The following TECTB variants were observed in gnomAD, a reference collection of about 807,000 sequenced individuals.
The protein encoded by TECTB is tectorin beta.
A neutral mutation model predicts 43.3 loss-of-function variants in TECTB; 45 were observed. The observed-to-expected ratio is 1.04, with a 90% CI of 0.82 to 1.33. The LOEUF is 1.33. TECTB is among the 40% of genes most tolerant of loss of function. TECTB has a pLI of 0.00. For missense variants in TECTB, 399 were observed against 404.7 expected, an observed-to-expected ratio of 0.99 and a Z score of 0.12; for synonymous variants, 169 against 156.7, an observed-to-expected ratio of 1.08 and a Z score of -0.59.
intron 5 of TECTB, 105 bp downstream of exon 5, chr10:112,286,496 C>T (rs1848455913): frequency 8.3e-7 from 1 of 1,209,950 alleles, no homozygotes; most frequent in South Asian, 1.6e-5. Flanking sequence ...TGTGCAGAGC[C>T]CCATTCTTAA....
rs1394533111 is a variant in TECTB, at chr10:112,303,855, C to G, written c.*543C>G. 1 of 155,306 alleles carries G rather than the reference C, an allele frequency of 6.4e-6. No individual in the cohort carries two copies. Among genetic ancestry groups the G allele is most frequent in the Non-Finnish European group, 1.4e-5 (1 of 69,770 alleles). The allele number at this position is 155,306 out of a possible 1,614,324, so 9.6% of individuals were successfully genotyped here. A position where few individuals can be genotyped will look rare whatever the true frequency, so the allele number is the denominator to read the frequency against. On this transcript the variant is annotated 3_prime_UTR_variant, in exon 11 of 11. Transcript: ENST00000646139. ...ATGATGTGGGATTCAGAGTGGAATACAATAGTTTTGCTCAAACCTAATGAT... is the reference window on the plus strand; with the variant it reads ...ATGATGTGGGATTCAGAGTGGAATAGAATAGTTTTGCTCAAACCTAATGAT...
At chr10:112,285,482 C>T (rs1848446241) in intron 3 of TECTB, among the ~76,000 whole-genome samples, 1 of 152,182 alleles carries the variant, frequency 6.6e-6, no homozygotes, top group Non-Finnish European at 1.5e-5. Context: ...GAGTCATGAG[C>T]ATGATTAACA....
chr10:112,295,277 T>C (rs183043455), intron 7 of TECTB, among the ~76,000 whole-genome samples: 364 of 152,384 alleles, frequency 2.4e-3, no homozygotes, highest in Middle Eastern at 0.01. Flanking sequence ...TGGACCTCTA[T>C]TTTTATTTAG....
rs776953089 is a variant in TECTB at position 112,299,563 on chromosome 10, G to C, written c.906G>C (p.Arg302=). Residue 302 remains arginine, a splice_region_variant and synonymous_variant, in exon 9 of 11, where the codon CGG becomes CGC. Transcript: ENST00000646139. ...TCCTGGTCGTGGAGCTCTCCCTGCG[G>C]AGTAAGCGTCTCTGTTTTCCTCTGT... The part of the protein sequence containing the change: ...GGVLVVELSL[R]SRGFSSLYSF... 14 of 1,578,616 alleles carry C rather than the reference G, an allele frequency of 8.9e-6. No individual in the cohort carries two copies. Among genetic ancestry groups the C allele is most frequent in the Non-Finnish European group, 1.2e-5 (14 of 1,167,422 alleles).
At chr10:112,288,367 TC>T (rs1264895147) in intron 5 of TECTB, among the ~76,000 whole-genome samples, 1 of 151,986 alleles carries the variant, frequency 6.6e-6, no homozygotes, top group East Asian at 1.9e-4. Flanking sequence ...AAGAGACATG[TC>T]CTCAGCATCC....
At chr10:112,295,298 T>C (rs12414050) in intron 7 of TECTB, among the ~76,000 whole-genome samples, 17,431 of 152,288 alleles carry the variant, frequency 0.11, 1,166 homozygotes, top group East Asian at 0.22. Flanking sequence ...CAAACACTTA[T>C]ACAGCTCTTA....
chr10:112,283,951 A>G lies in TECTB; in HGVS notation c.76+141A>G, dbSNP rs968908714. 3.6e-5 allele frequency: 31 copies of G among 850,208 alleles called. No individual in the cohort carries two copies. The East Asian group carries it at 8.2e-4, about 23-fold the overall frequency. The allele number at this position is 850,208 out of a possible 1,614,324, so 52.7% of individuals were successfully genotyped here. On this transcript the variant is annotated intron_variant, in intron 2 of 10. Transcript: ENST00000646139. Reference sequence around the variant, plus strand: ...AGGAAAGTACTTAAGCACCCCCTCCAATACCAATCAGACTTTTCCCAAATG... The same window carrying G: ...AGGAAAGTACTTAAGCACCCCCTCCGATACCAATCAGACTTTTCCCAAATG...
At chr10:112,284,295 A>G (rs148985773) in intron 2 of TECTB, among the ~76,000 whole-genome samples, 1 of 152,330 alleles carries the variant, frequency 6.6e-6, no homozygotes, top group African/African-American at 2.4e-5. Context: ...AAATGGACTA[A>G]TTTTAATTCC....
Position 112,283,818 on chromosome 10 carries a change from C to T in TECTB, c.76+8C>T, listed in dbSNP as rs749870484. 3 of 1,612,942 alleles carry T rather than the reference C, an allele frequency of 1.9e-6. No homozygotes were observed. In the South Asian group the frequency reaches 3.3e-5, roughly 18 times the overall value. ...GTGCTCCAAATAAAGCAGGTATGTC[C>T]TCGCCAAGTCCATTTTCCTGGGACG... On this transcript the variant is annotated splice_region_variant and intron_variant, in intron 2 of 10. Transcript: ENST00000646139.
In TECTB at chr10:112,303,838, G is replaced by A. The variant is rs1848632002; in HGVS notation, c.*526G>A. ...AACTGATGACATGGGAGATGATGTG[G>A]GATTCAGAGTGGAATACAATAGTTT... On this transcript the variant is annotated 3_prime_UTR_variant, in exon 11 of 11. Transcript: ENST00000646139. 6.4e-6 allele frequency: 1 copy of A among 156,580 alleles called. No homozygotes were observed. Among genetic ancestry groups the A allele is most frequent in the African/African-American group, 2.4e-5 (1 of 41,470 alleles). 9.7% of individuals were successfully genotyped at this position (156,580 alleles called of 1,614,324 possible). A position where few individuals can be genotyped will look rare whatever the true frequency, so the allele number is the denominator to read the frequency against.
intron 7 of TECTB, among the ~76,000 whole-genome samples, chr10:112,294,705 A>C (rs1848530305): frequency 6.6e-6 from 1 of 152,230 alleles, no homozygotes; most frequent in East Asian, 1.9e-4. Flanking sequence ...GGAAGGGAGA[A>C]AAACCAGATT....
chr10:112,288,542 A>G, intron 5 of TECTB, among the ~76,000 whole-genome samples: 1 of 152,036 alleles, frequency 6.6e-6, no homozygotes, highest in East Asian at 1.9e-4. Flanking sequence ...GTACTGATTA[A>G]TATTCCCGCC....
intron 5 of TECTB, among the ~76,000 whole-genome samples, 185 bp downstream of exon 5, chr10:112,286,576 G>T (rs959543034): frequency 1.3e-5 from 2 of 152,200 alleles, no homozygotes. Context: ...CAGAAAGTCA[G>T]ATTCATAGAC....
intron 9 of TECTB, among the ~76,000 whole-genome samples, chr10:112,300,305 AAGAAAGAAAGAAAG>A (rs1564710659): frequency 9.0e-5 from 11 of 122,720 alleles, no homozygotes; most frequent in Admixed American, 5.0e-4. Flanking sequence ...GAAAGAAAGA[AAGAAAGAAAGAAAG>A]AGAAAGAAAA....
intron 5 of TECTB, among the ~76,000 whole-genome samples, chr10:112,289,475 C>T (rs1181992683): frequency 1.3e-5 from 2 of 152,176 alleles, no homozygotes; most frequent in Non-Finnish European, 2.9e-5. Flanking sequence ...TGTGGGGTGG[C>T]CTCCCTGCCT....
chr10:112,283,495 C>T lies in TECTB; in HGVS notation c.-89C>T, dbSNP rs1043401387. ...CTCCATGTGTCATTGACGCTTCCAA[C>T]GGTATGAGCCCCACTTTTTGCCTCT... On this transcript the variant is annotated splice_region_variant and 5_prime_UTR_variant, in exon 1 of 11. In the 5' UTR this introduces an upstream ATG that the reference lacks. Coordinates refer to ENST00000646139, the MANE Select transcript of TECTB (RefSeq NM_058222.3). 8 of 515,982 alleles carry T rather than the reference C, an allele frequency of 1.6e-5. No homozygotes were observed. The highest frequency in any genetic ancestry group is 2.8e-5 in the South Asian group (1 of 35,640). The allele number at this position is 515,982 out of a possible 1,614,324, so 32.0% of individuals were successfully genotyped here. A position where few individuals can be genotyped will look rare whatever the true frequency, so the allele number is the denominator to read the frequency against.
intron 5 of TECTB, among the ~76,000 whole-genome samples, chr10:112,289,828 A>G (rs1439076039): frequency 1.3e-5 from 2 of 152,182 alleles, no homozygotes; most frequent in Non-Finnish European, 2.9e-5. Flanking sequence ...GGAAGACTCT[A>G]GGAATGTGTC....
intron 9 of TECTB, 101 bp downstream of exon 9, chr10:112,299,665 C>T (rs1848580621): frequency 1.5e-6 from 2 of 1,317,704 alleles, no homozygotes; most frequent in Non-Finnish European, 1.1e-6. Context: ...AATTGCCAAA[C>T]CAGTCGTGCC....
intron 10 of TECTB, 34 bp downstream of exon 10, chr10:112,302,167 G>T: frequency 6.2e-7 from 1 of 1,611,160 alleles, no homozygotes; most frequent in Non-Finnish European, 8.5e-7. Context: ...GATTTCGTGG[G>T]GCTATGCTGT....
Sources: allele counts gnomAD v4.1 joint callset (sites outside exome capture counted in the v4.1 genomes callset), GRCh38; gene constraint gnomAD v4.1.1; transcripts MANE v1.5; gene names NCBI Gene and HGNC (gene_info 2026-07-23, HGNC 2026-07-21).